Variants in ST6GALNAC3 observed in about 807,000 individuals in gnomAD.
ST6GALNAC3 encodes alpha-N-acetylgalactosaminide alpha-2,6-sialyltransferase 3.
A neutral mutation model predicts 32.7 loss-of-function variants in ST6GALNAC3; 25 were observed. The ratio of observed to expected loss-of-function variants is 0.76; its 90% confidence interval spans 0.56 to 1.07. The LOEUF (loss-of-function observed/expected upper bound fraction) is 1.07. ST6GALNAC3 is among the 50% of genes least tolerant of loss of function. The pLI is 0.00. For missense variants in ST6GALNAC3, 355 were observed against 382.4 expected (o/e 0.93, Z 0.60); for synonymous variants, 129 against 133.1 (o/e 0.97, Z 0.21).
intron 2 of ST6GALNAC3, among the ~76,000 whole-genome samples, chr1:76,323,252 CT>C (rs1213051000): frequency 6.6e-6 from 1 of 152,030 alleles, no homozygotes; most frequent in African/African-American, 2.4e-5. Flanking sequence ...AATAAAATAT[CT>C]CTGAAAAATA....
chr1:76,508,639 G>A (rs407271), intron 3 of ST6GALNAC3, among the ~76,000 whole-genome samples: 67,325 of 151,832 alleles, frequency 0.44, 17,929 homozygotes, highest in East Asian at 0.77. Flanking sequence ...TTCGGGAAGG[G>A]TAGTCAGAGA....
At position 76,411,776 on chromosome 1, in the gene ST6GALNAC3, G is replaced by A. The variant is rs112998250; in HGVS notation, c.214-232G>A. ...CCTATAATTTTAAACCAGGGCGTGG[G>A]GATTATAGAAATTAAAATTATTTTT... On this transcript the variant is annotated intron_variant, in intron 2 of 4. Coordinates refer to ENST00000328299, the MANE Select transcript of ST6GALNAC3 (RefSeq NM_152996.4). Among the ~76,000 whole-genome samples, 18 of 151,970 alleles carry A rather than the reference G, an allele frequency of 1.2e-4. 1 individual carries two copies. Among genetic ancestry groups the A allele is most frequent in the African/African-American group, 4.3e-4 (18 of 41,456 alleles).
chr1:76,147,123 T>G (rs1650736875), intron 1 of ST6GALNAC3, among the ~76,000 whole-genome samples: 2 of 150,850 alleles, frequency 1.3e-5, no homozygotes, highest in African/African-American at 4.9e-5. Flanking sequence ...AGTACAATGG[T>G]GCCATCTTGG....
At chr1:76,419,424 A>T (rs74089924) in intron 3 of ST6GALNAC3, among the ~76,000 whole-genome samples, 1 of 152,158 alleles carries the variant, frequency 6.6e-6, no homozygotes. Flanking sequence ...ATTAAAATGT[A>T]TACAGACTTT....
intron 3 of ST6GALNAC3, among the ~76,000 whole-genome samples, chr1:76,450,340 T>C (rs1657301471): frequency 6.6e-6 from 1 of 152,218 alleles, no homozygotes; most frequent in Admixed American, 6.5e-5. Flanking sequence ...TTAGTGATTT[T>C]TTAAAATATG....
At chr1:76,332,505 A>G (rs564016760) in intron 2 of ST6GALNAC3, among the ~76,000 whole-genome samples, 14 of 152,328 alleles carry the variant, frequency 9.2e-5, no homozygotes, top group African/African-American at 3.4e-4. Context: ...TATAAGACAA[A>G]GTCAATACTA....
chr1:76,226,433 C>A (rs939352321), intron 1 of ST6GALNAC3, among the ~76,000 whole-genome samples: 1 of 152,160 alleles, frequency 6.6e-6, no homozygotes, highest in Admixed American at 6.5e-5. Flanking sequence ...ACAGGGATTA[C>A]AAATTCAGTT....
rs534388161 is a variant in ST6GALNAC3, at chr1:76,158,855, T to C, written c.18+83971T>C. ...TCCTGTGTGCTTATCTCCTTGACAATTGGGTGGAAATGGCATCCACATTTT... is the reference window on the plus strand; with the variant it reads ...TCCTGTGTGCTTATCTCCTTGACAACTGGGTGGAAATGGCATCCACATTTT... On this transcript the variant is annotated intron_variant, in intron 1 of 4. Coordinates refer to ENST00000328299, the MANE Select transcript of ST6GALNAC3 (RefSeq NM_152996.4). Among the ~76,000 whole-genome samples, 9 of 152,276 alleles carry C rather than the reference T, an allele frequency of 5.9e-5. No individual in the cohort carries two copies. In the East Asian group the frequency reaches 1.7e-3, roughly 29 times the overall value.
At chr1:76,460,244 AT>A (rs35091800) in intron 3 of ST6GALNAC3, among the ~76,000 whole-genome samples, 41 of 151,914 alleles carry the variant, frequency 2.7e-4, no homozygotes, top group Admixed American at 4.6e-4. Context: ...GACATTGAGC[AT>A]TTTTTCAAGC....
chr1:76,133,151 C>T (rs3843263), intron 1 of ST6GALNAC3, among the ~76,000 whole-genome samples: 43,136 of 152,066 alleles, frequency 0.28, 6,880 homozygotes, highest in East Asian at 0.78. Context: ...GCCCCCTCAT[C>T]CATCAGGCAC....
At chr1:76,436,114 T>G (rs960249411) in intron 3 of ST6GALNAC3, among the ~76,000 whole-genome samples, 21 of 152,126 alleles carry the variant, frequency 1.4e-4, no homozygotes, top group African/African-American at 5.1e-4. Flanking sequence ...TTAAAACACC[T>G]TTGAATAAAA....
chr1:76,260,696 A>G (rs1412146352), intron 1 of ST6GALNAC3, among the ~76,000 whole-genome samples: 1 of 152,152 alleles, frequency 6.6e-6, no homozygotes, highest in African/African-American at 2.4e-5. Context: ...TCCAGTTTCT[A>G]CTGAAAGGAT....
chr1:76,084,173 T>C (rs1030912577), intron 1 of ST6GALNAC3, among the ~76,000 whole-genome samples: 2 of 152,152 alleles, frequency 1.3e-5, no homozygotes, highest in Admixed American at 6.5e-5. Flanking sequence ...CAGAAAGGAT[T>C]GGCTGCTGGG....
intron 2 of ST6GALNAC3, among the ~76,000 whole-genome samples, chr1:76,337,961 A>C (rs1647644375): frequency 1.3e-5 from 2 of 152,188 alleles, no homozygotes; most frequent in Admixed American, 1.3e-4. Context: ...CAGGCGCTCC[A>C]GGGCTTTCTC....
chr1:76,564,309 T>A (rs12760714), intron 3 of ST6GALNAC3, among the ~76,000 whole-genome samples: 9,028 of 152,284 alleles, frequency 0.059, 292 homozygotes, highest in Middle Eastern at 0.085. Flanking sequence ...ATTTTTTCAT[T>A]CTATTTACTT....
chr1:76,383,570 G>C (rs1286906864), intron 2 of ST6GALNAC3, among the ~76,000 whole-genome samples: 1 of 151,628 alleles, frequency 6.6e-6, no homozygotes, highest in African/African-American at 2.4e-5. Context: ...ACTGCAATTG[G>C]CCCCCACACT....
chr1:76,520,187 A>G (rs1438502304), intron 3 of ST6GALNAC3, among the ~76,000 whole-genome samples: 1 of 152,082 alleles, frequency 6.6e-6, no homozygotes, highest in Admixed American at 6.6e-5. Context: ...TGATAGTGTC[A>G]TCTTATTTAC....
intron 3 of ST6GALNAC3, among the ~76,000 whole-genome samples, chr1:76,448,905 T>C (rs896369158): frequency 7.9e-5 from 12 of 152,146 alleles, no homozygotes; most frequent in Non-Finnish European, 1.3e-4. Flanking sequence ...TGGTGCAATC[T>C]CAGCACCAAA....
At chr1:76,413,020 T>C (rs1654372854) in intron 3 of ST6GALNAC3, 1 of 334,664 alleles carries the variant, frequency 3.0e-6, no homozygotes. Flanking sequence ...ATACTATTCA[T>C]TCAATTATCC....
Sources: allele counts gnomAD v4.1 joint callset (sites outside exome capture counted in the v4.1 genomes callset), GRCh38; gene constraint gnomAD v4.1.1; transcripts MANE v1.5; gene names NCBI Gene and HGNC (gene_info 2026-07-23, HGNC 2026-07-21).